ZFHX3: variants seen among roughly 807,000 people sequenced by gnomAD.
ZFHX3 encodes the protein zinc finger homeobox protein 3.
Under a neutral mutation model 279.1 loss-of-function variants are expected in ZFHX3, and 42 were observed. The observed-to-expected ratio is 0.15, with a 90% CI of 0.12 to 0.19. ZFHX3 has a LOEUF of 0.19. ZFHX3 is among the 10% of genes least tolerant of loss of function. The probability of loss-of-function intolerance (pLI) is 1.00; values close to 1 mark genes in which losing one functional copy is unlikely to be tolerated. For missense variants in ZFHX3, 4,981 were observed against 4,754.0 expected (o/e 1.05, Z -1.40); for synonymous variants, 2,293 against 1,957.8 (o/e 1.17, Z -4.52).
intron 1 of ZFHX3, among the ~76,000 whole-genome samples, chr16:73,838,896 A>T (rs1421590091): frequency 6.6e-6 from 1 of 152,130 alleles, no homozygotes; most frequent in Non-Finnish European, 1.5e-5. Context: ...TTGTTGGCCT[A>T]AAAGGGCAGA....
At chr16:73,105,462 T>C (rs1171232427) in intron 7 of ZFHX3, among the ~76,000 whole-genome samples, 4 of 110,138 alleles carry the variant, frequency 3.6e-5, no homozygotes, top group African/African-American at 6.7e-5. Flanking sequence ...TATATATTTT[T>C]TCCCCCAGGC....
intron 8 of ZFHX3, among the ~76,000 whole-genome samples, chr16:73,088,757 A>T (rs955563794): frequency 6.6e-6 from 1 of 152,210 alleles, no homozygotes; most frequent in East Asian, 1.9e-4. Context: ...CTGAGACACC[A>T]GTGTCAGAAA....
At chr16:72,826,680 AAAG>A (rs1462716145) in intron 5 of ZFHX3, among the ~76,000 whole-genome samples, 1 of 152,188 alleles carries the variant, frequency 6.6e-6, no homozygotes, top group Non-Finnish European at 1.5e-5. Context: ...AGGAGTCGGG[AAAG>A]AATTTTCCCT....
intron 1 of ZFHX3, among the ~76,000 whole-genome samples, chr16:73,754,502 C>A (rs2053789553): frequency 6.6e-6 from 1 of 151,918 alleles, no homozygotes; most frequent in African/African-American, 2.4e-5. Flanking sequence ...TTTGGTTTTC[C>A]ACCGTCCTTG....
At chr16:73,200,661 A>G (rs1968251093) in intron 5 of ZFHX3, among the ~76,000 whole-genome samples, 1 of 152,244 alleles carries the variant, frequency 6.6e-6, no homozygotes, top group Non-Finnish European at 1.5e-5. Context: ...GGATGCTTCC[A>G]AAACAATGAA....
In ZFHX3 at chr16:72,958,408, T is replaced by G. The variant is rs1473940750; in HGVS notation, c.1738A>C (p.Asn580His). 6.2e-7 allele frequency: 1 copy of G among 1,614,204 alleles called. No homozygotes were observed. The highest frequency in any genetic ancestry group is 8.5e-7 in the Non-Finnish European group (1 of 1,180,038). Residue 580 changes from asparagine to histidine, a missense_variant, in exon 2 of 10, where the codon AAT (asparagine) becomes CAT (histidine). By Grantham distance (68) the Asn-to-His change is moderately conservative. Coordinates refer to ENST00000268489, the MANE Select transcript of ZFHX3 (RefSeq NM_006885.4). Reference sequence around the variant, plus strand: ...AGCCTCCTGCCGCCCTCTGCCACATTGGCCCTGACGCCCTCACTGTTAAAG... The same window carrying G: ...AGCCTCCTGCCGCCCTCTGCCACATGGGCCCTGACGCCCTCACTGTTAAAG... ...LSFNSEGVRA[N>H]VAEGGRRLDF...
At chr16:73,774,659 T>A (rs1431089077) in intron 1 of ZFHX3, among the ~76,000 whole-genome samples, 1 of 152,216 alleles carries the variant, frequency 6.6e-6, no homozygotes, top group Non-Finnish European at 1.5e-5. Context: ...GCTTGAGGCA[T>A]CCATTGCACA....
chr16:73,874,863 A>G (rs1213627555), intron 1 of ZFHX3, among the ~76,000 whole-genome samples: 1 of 152,226 alleles, frequency 6.6e-6, no homozygotes, highest in Non-Finnish European at 1.5e-5. Flanking sequence ...CTGGGCACAC[A>G]AATACTATGC....
At chr16:73,125,615 C>T (rs1300919404) in intron 7 of ZFHX3, among the ~76,000 whole-genome samples, 1 of 152,030 alleles carries the variant, frequency 6.6e-6, no homozygotes, top group Non-Finnish European at 1.5e-5. Context: ...ACTCCCTAGC[C>T]TCCCAGCGTA....
At chr16:73,314,431 T>C (rs1322492316) in intron 4 of ZFHX3, among the ~76,000 whole-genome samples, 1 of 152,112 alleles carries the variant, frequency 6.6e-6, no homozygotes, top group Non-Finnish European at 1.5e-5. Context: ...ACAACTATTA[T>C]CCTCATTTTA....
At chr16:73,706,010 C>T (rs2053299444) in intron 1 of ZFHX3, among the ~76,000 whole-genome samples, 1 of 152,124 alleles carries the variant, frequency 6.6e-6, no homozygotes, top group Admixed American at 6.5e-5. Context: ...ACCCAGAAAT[C>T]ATTTCTGGAG....
chr16:72,787,387 G>A lies in ZFHX3; in HGVS notation c.10889C>T (p.Pro3630Leu), dbSNP rs2035439384. The stretch of plus-strand genomic sequence containing the variant: ...AGATGAGGAGAGAGGAGGAAAAGAA[G>A]GGGGCTTCGCTGCCGAAGCCCGGGA... The part of the protein sequence containing the change: ...VVSRASAAKP[P>L]SFPPLSSSST... Residue 3630 changes from proline to leucine, a missense_variant, in exon 10 of 10, where the codon CCT becomes CTT. By Grantham distance (98) the Pro-to-Leu change is moderately conservative. This residue lies in a region of ZFHX3 where 1,034 missense variants were observed against 786.0 expected (regional missense o/e 1.32). Transcript: ENST00000268489. 6.2e-7 allele frequency: 1 copy of A among 1,606,072 alleles called. No individual in the cohort carries two copies.
In ZFHX3 at chr16:73,197,924, G is replaced by GTTTTTTTTTTT. The variant is rs71156148; in HGVS notation, c.-1103-54104_-1103-54094dup. On this transcript the variant is annotated intron_variant, in intron 5 of 17. Coordinates refer to the ZFHX3 transcript ENST00000641206. ...GATAAGTAGAGTATCTGATTTGGTG[G>GTTTTTTTTTTT]TTTTTTTTTTTTTTTTTTTTTTTTT... 2.6e-4 allele frequency among the ~76,000 whole-genome samples: 14 copies of GTTTTTTTTTTT among 53,782 alleles called. 2 individuals are homozygous for GTTTTTTTTTTT. Among genetic ancestry groups the GTTTTTTTTTTT allele is most frequent in the Non-Finnish European group, 4.0e-4 (12 of 29,966 alleles). The allele number at this position is 53,782 out of a possible 152,430, so 35.3% of individuals were successfully genotyped here. A position where few individuals can be genotyped will look rare whatever the true frequency, so the allele number is the denominator to read the frequency against.
At chr16:73,167,963 C>A (rs758961907) in intron 5 of ZFHX3, among the ~76,000 whole-genome samples, 32 of 152,228 alleles carry the variant, frequency 2.1e-4, no homozygotes, top group Non-Finnish European at 4.6e-4. Flanking sequence ...TAAATTCCTA[C>A]CTCTGTTTAA....
At chr16:73,821,121 C>T (rs1179515651) in intron 1 of ZFHX3, among the ~76,000 whole-genome samples, 3 of 152,156 alleles carry the variant, frequency 2.0e-5, no homozygotes, top group Admixed American at 6.5e-5. Context: ...GTTAATTTTA[C>T]CACTAATCTG....
chr16:73,241,513 G>A (rs573263435), intron 5 of ZFHX3, among the ~76,000 whole-genome samples: 9 of 151,710 alleles, frequency 5.9e-5, no homozygotes, highest in South Asian at 2.1e-4. Flanking sequence ...GTTGGGGGCC[G>A]GGCGCGGTGG....
At chr16:73,844,662 G>A (rs1424484118) in intron 1 of ZFHX3, among the ~76,000 whole-genome samples, 2 of 151,988 alleles carry the variant, frequency 1.3e-5, no homozygotes, top group Non-Finnish European at 2.9e-5. Context: ...CAGACTGACA[G>A]GAAGATGATA....
At chr16:73,601,430 G>C (rs1289438304) in intron 2 of ZFHX3, among the ~76,000 whole-genome samples, 1 of 149,072 alleles carries the variant, frequency 6.7e-6, no homozygotes, top group East Asian at 2.0e-4. Flanking sequence ...AGATCACGCC[G>C]CTGCACTCCA....
intron 1 of ZFHX3, among the ~76,000 whole-genome samples, chr16:73,874,280 C>G (rs761243657): frequency 6.6e-6 from 1 of 151,994 alleles, no homozygotes; most frequent in Non-Finnish European, 1.5e-5. Context: ...GTGAAATTAG[C>G]TAAAATTATG....
Sources: gnomAD v4.1 joint callset for allele counts (sites outside exome capture counted in the v4.1 genomes callset) on GRCh38, gnomAD v4.1.1 for gene constraint, gnomAD v4.1.1 regional missense constraint, MANE v1.5 for transcripts, NCBI Gene and HGNC (gene_info 2026-07-23, HGNC 2026-07-21) for gene names.